The following MAGI2 variants were observed in gnomAD, a reference collection of about 807,000 sequenced individuals.
MAGI2 encodes the protein membrane associated guanylate kinase, WW and PDZ domain containing 2, also known as membrane-associated guanylate kinase, WW and PDZ domain-containing protein 2.
MAGI2 carries 35 observed loss-of-function variants against 133.3 expected under a neutral mutation model. The observed-to-expected ratio is 0.26, with a 90% confidence interval of 0.20 to 0.35. The LOEUF (loss-of-function observed/expected upper bound fraction) is 0.35. Ranked by LOEUF, MAGI2 falls within the 10% of genes least tolerant of loss-of-function variation. The pLI is 1.00. For missense variants in MAGI2, 1,636 were observed against 1,863.4 expected, an observed-to-expected ratio of 0.88 and a Z score of 2.25; for synonymous variants, 729 against 710.6, an observed-to-expected ratio of 1.03 and a Z score of -0.41.
chr7:78,853,957 TTCTC>T (rs10666435), intron 2 of MAGI2, among the ~76,000 whole-genome samples: 8 of 148,588 alleles, frequency 5.4e-5, no homozygotes, highest in Non-Finnish European at 1.0e-4. Flanking sequence ...GTTGATATGT[TTCTC>T]TCTCTCTCTC....
intron 9 of MAGI2, among the ~76,000 whole-genome samples, chr7:78,327,723 G>A (rs1307550488): frequency 6.6e-6 from 1 of 152,154 alleles, no homozygotes; most frequent in Non-Finnish European, 1.5e-5. Flanking sequence ...ATGAGCAAGT[G>A]GATGCATCTA....
chr7:78,510,780 G>C (rs1475728838), intron 4 of MAGI2, among the ~76,000 whole-genome samples: 1 of 152,140 alleles, frequency 6.6e-6, no homozygotes, highest in East Asian at 1.9e-4. Context: ...ACCAGGGGCT[G>C]CTACCGAGCT....
At chr7:78,895,940 T>C (rs1309109029) in intron 2 of MAGI2, among the ~76,000 whole-genome samples, 1 of 152,206 alleles carries the variant, frequency 6.6e-6, no homozygotes, top group Admixed American at 6.5e-5. Context: ...TAAATAAATA[T>C]CAAATTATAT....
intron 1 of MAGI2, among the ~76,000 whole-genome samples, chr7:79,348,799 T>G (rs948976704): frequency 1.3e-5 from 2 of 151,888 alleles, no homozygotes; most frequent in African/African-American, 4.8e-5. Flanking sequence ...TAATCTGTTG[T>G]GAAAATAGGG....
intron 2 of MAGI2, among the ~76,000 whole-genome samples, chr7:78,950,362 T>G (rs933954084): frequency 2.0e-5 from 3 of 152,206 alleles, no homozygotes; most frequent in African/African-American, 7.2e-5. Flanking sequence ...GTAACATATA[T>G]TTGGATTATT....
chr7:78,634,715 G>C, intron 2 of MAGI2, among the ~76,000 whole-genome samples: 1 of 152,132 alleles, frequency 6.6e-6, no homozygotes, highest in East Asian at 1.9e-4. Context: ...TGACAGCAAA[G>C]CAAGACTCAA....
chr7:78,660,664 G>T (rs141604940), intron 2 of MAGI2, among the ~76,000 whole-genome samples: 41 of 152,074 alleles, frequency 2.7e-4, no homozygotes, highest in African/African-American at 9.4e-4. Context: ...AAGTAAAATG[G>T]GTATATTCCA....
At chr7:79,227,358 T>C (rs13237397) in intron 1 of MAGI2, among the ~76,000 whole-genome samples, 91,947 of 151,716 alleles carry the variant, frequency 0.61, 29,115 homozygotes, top group Non-Finnish European at 0.69. Flanking sequence ...CTCAATATAT[T>C]CCATGGCAGG....
At chr7:79,117,232 C>T (rs1321585717) in intron 1 of MAGI2, among the ~76,000 whole-genome samples, 1 of 152,068 alleles carries the variant, frequency 6.6e-6, no homozygotes, top group Non-Finnish European at 1.5e-5. Flanking sequence ...AGTAGAAACC[C>T]ACTAAGAAAA....
intron 1 of MAGI2, among the ~76,000 whole-genome samples, chr7:79,389,422 T>C (rs1483620534): frequency 6.6e-6 from 1 of 152,094 alleles, no homozygotes; most frequent in Non-Finnish European, 1.5e-5. Context: ...GACTAACTTA[T>C]GAATGTGCTG....
chr7:78,229,177 TA>T (rs1789705118), intron 10 of MAGI2, among the ~76,000 whole-genome samples: 1 of 152,266 alleles, frequency 6.6e-6, no homozygotes, highest in Non-Finnish European at 1.5e-5. Flanking sequence ...CTGGGGACTC[TA>T]ACTGCCAACA....
chr7:78,811,723 A>C (rs968707447), intron 2 of MAGI2, among the ~76,000 whole-genome samples: 1 of 152,198 alleles, frequency 6.6e-6, no homozygotes, highest in Non-Finnish European at 1.5e-5. Context: ...AATTTGGCCC[A>C]TGGCCTGTGT....
intron 21 of MAGI2, among the ~76,000 whole-genome samples, chr7:78,044,858 A>G (rs936624489): frequency 1.3e-5 from 2 of 152,234 alleles, no homozygotes; most frequent in African/African-American, 4.8e-5. Context: ...ACTTTATTTG[A>G]TAAGTCTGTC....
chr7:78,443,974 G>A (rs1438553336), intron 6 of MAGI2, among the ~76,000 whole-genome samples: 2 of 152,064 alleles, frequency 1.3e-5, no homozygotes. Context: ...TTATCACATG[G>A]AGGTGTTGTT....
At chr7:79,018,028 G>A (rs1240015056) in intron 1 of MAGI2, among the ~76,000 whole-genome samples, 1 of 152,028 alleles carries the variant, frequency 6.6e-6, no homozygotes, top group African/African-American at 2.4e-5. Context: ...TATCATCCAT[G>A]AAAATTTCCC....
Position 78,654,749 on chromosome 7 carries a change from A to ATATG in MAGI2, c.419-27511_419-27510insCATA, listed in dbSNP as rs1491177965. ...TATATATATATATATATATATATATAGCATATATTTTGCATCGCAACTGGA... is the reference window on the plus strand; with the variant it reads ...TATATATATATATATATATATATATATATGGCATATATTTTGCATCGCAACTGGA... On this transcript the variant is annotated intron_variant, in intron 2 of 21. Coordinates refer to ENST00000354212, the MANE Select transcript of MAGI2 (RefSeq NM_012301.4). Among the ~76,000 whole-genome samples, 22 of 97,816 alleles carry ATATG rather than the reference A, an allele frequency of 2.2e-4. 1 individual carries two copies. Among genetic ancestry groups the ATATG allele is most frequent in the Non-Finnish European group, 4.0e-4 (19 of 47,274 alleles). The allele number at this position is 97,816 out of a possible 152,430, so 64.2% of individuals were successfully genotyped here. A position where few individuals can be genotyped will look rare whatever the true frequency, so the allele number is the denominator to read the frequency against.
intron 2 of MAGI2, among the ~76,000 whole-genome samples, chr7:78,802,991 A>G (rs1788204794): frequency 6.6e-6 from 1 of 150,678 alleles, no homozygotes; most frequent in Non-Finnish European, 1.5e-5. Flanking sequence ...TTTTCAATTT[A>G]GCTTTCTTGT....
intron 3 of MAGI2, among the ~76,000 whole-genome samples, chr7:78,611,687 G>T (rs73701638): frequency 0.046 from 6,972 of 152,262 alleles, 224 homozygotes; most frequent in East Asian, 0.076. Context: ...CAACACACAC[G>T]TACAGCCTGG....
intron 2 of MAGI2, among the ~76,000 whole-genome samples, chr7:78,836,134 A>C (rs979532551): frequency 6.6e-6 from 1 of 152,216 alleles, no homozygotes; most frequent in South Asian, 2.1e-4. Flanking sequence ...ACTAACTCCT[A>C]TAACGTCACA....
Sources: gnomAD v4.1 joint callset for allele counts (sites outside exome capture counted in the v4.1 genomes callset) on GRCh38, gnomAD v4.1.1 for gene constraint, MANE v1.5 for transcripts, NCBI Gene and HGNC (gene_info 2026-07-23, HGNC 2026-07-21) for gene names.